The following SCMH1 variants were observed in gnomAD, a reference collection of about 807,000 sequenced individuals.
SCMH1 encodes the protein polycomb protein SCMH1.
Under a neutral mutation model 70.8 loss-of-function variants are expected in SCMH1, and 37 were observed. The ratio of observed to expected loss-of-function variants is 0.52; its 90% CI spans 0.40 to 0.69. The LOEUF (loss-of-function observed/expected upper bound fraction) is 0.69, where lower values mean the gene tolerates loss of function less well. SCMH1 is among the 30% of genes least tolerant of loss of function. The pLI, the probability that SCMH1 is intolerant of heterozygous loss-of-function variation, is 0.00. For missense variants in SCMH1, 607 were observed against 827.3 expected, an observed-to-expected ratio of 0.73 and a Z score of 3.27; for synonymous variants, 292 against 307.4, an observed-to-expected ratio of 0.95 and a Z score of 0.52.
At chr1:41,037,219 G>T (rs980952065) in intron 13 of SCMH1, 143 bp downstream of exon 13, 7 of 788,568 alleles carry the variant, frequency 8.9e-6, no homozygotes, top group Non-Finnish European at 1.4e-5. Flanking sequence ...TGCAAGGCCA[G>T]GCACAAGAGT....
At chr1:41,231,533 T>C (rs1661296163) in intron 1 of SCMH1, among the ~76,000 whole-genome samples, 2 of 152,206 alleles carry the variant, frequency 1.3e-5, no homozygotes, top group Admixed American at 6.5e-5. Flanking sequence ...GAACCAATAT[T>C]GATACCTTAT....
chr1:41,242,208 G>C (rs1253875419), upstream of SCMH1: 3 of 145,994 alleles, frequency 2.1e-5, no homozygotes, highest in Admixed American at 2.0e-4. This position sits in a 1 kb window ranked among gnomAD's most constrained non-coding sequence, Gnocchi z 5.2. Context: ...CCGAGCTGGC[G>C]GTGGCGGCTG....
intron 13 of SCMH1, among the ~76,000 whole-genome samples, chr1:41,035,643 G>GAA (rs542656772): frequency 1.1e-3 from 167 of 152,218 alleles, no homozygotes; most frequent in African/African-American, 3.8e-3. Flanking sequence ...CTATGCCCTT[G>GAA]ATCCCACCAC....
intron 4 of SCMH1, among the ~76,000 whole-genome samples, chr1:41,157,577 G>A (rs936079615): frequency 2.0e-5 from 3 of 152,210 alleles, no homozygotes; most frequent in Non-Finnish European, 1.5e-5. Context: ...AATCAGAGGT[G>A]TTTTCGAAGG....
chr1:41,226,343 T>C (rs745669482), intron 1 of SCMH1, among the ~76,000 whole-genome samples: 3 of 152,088 alleles, frequency 2.0e-5, no homozygotes, highest in Non-Finnish European at 4.4e-5. Flanking sequence ...ATTTGTAACT[T>C]AGAAAAATAA....
rs374249413 is a variant in SCMH1, at chr1:41,060,569, A to T, written c.1105+10026T>A. Among the ~76,000 whole-genome samples, 50 of 152,326 alleles carry T rather than the reference A, an allele frequency of 3.3e-4. No individual in the cohort carries two copies. The South Asian group carries it at 0.01, about 31-fold the overall frequency. ...AGATGGAAAATGATATAGATCAGAAACTTCGATCTATATAAAGAAAGGAAG... is the reference window on the plus strand; with the variant it reads ...AGATGGAAAATGATATAGATCAGAATCTTCGATCTATATAAAGAAAGGAAG... On this transcript the variant is annotated intron_variant, in intron 10 of 14. Transcript: ENST00000337495.
At chr1:41,143,287 T>G (rs142882044) in intron 5 of SCMH1, among the ~76,000 whole-genome samples, 175 bp from the exon 6 acceptor site, 1 of 151,952 alleles carries the variant, frequency 6.6e-6, no homozygotes, top group African/African-American at 2.4e-5. Flanking sequence ...GGGGAAAAAA[T>G]TACTTTCCAA....
chr1:41,094,619 A>G (rs2013925), intron 8 of SCMH1, among the ~76,000 whole-genome samples: 129,416 of 152,098 alleles, frequency 0.85, 55,562 homozygotes, highest in East Asian at 0.97. Flanking sequence ...GCCAGGCATC[A>G]TGGCTCACGC....
rs575922261 is a variant in SCMH1 at position 41,119,347 on chromosome 1, C to T, written c.413-2337G>A. On this transcript the variant is annotated intron_variant, in intron 6 of 14. Coordinates refer to ENST00000337495, the Ensembl canonical transcript of SCMH1. ...AAGAGATTTCTTGGGACAGCCCATC[C>T]ATATCAACAGCAATGTGGACTTTCC... Among the ~76,000 whole-genome samples the T allele has an allele frequency of 3.9e-5, 6 of 152,040 alleles. No homozygotes were observed. In the East Asian group the frequency reaches 1.2e-3, roughly 30 times the overall value.
chr1:41,236,318 G>A, intron 1 of SCMH1, among the ~76,000 whole-genome samples: 1 of 152,142 alleles, frequency 6.6e-6, no homozygotes, highest in East Asian at 1.9e-4. Context: ...AGAATGTGCT[G>A]CATCCATTTA....
At chr1:41,200,553 A>T (rs1654121135) in intron 1 of SCMH1, among the ~76,000 whole-genome samples, 1 of 150,030 alleles carries the variant, frequency 6.7e-6, no homozygotes, top group Non-Finnish European at 1.5e-5. Flanking sequence ...TGTGAGGAAA[A>T]CAGAGTTAGG....
chr1:41,167,324 GTCT>G (rs1266123041), intron 2 of SCMH1, among the ~76,000 whole-genome samples: 12 of 152,202 alleles, frequency 7.9e-5, no homozygotes, highest in Admixed American at 3.3e-4. Flanking sequence ...GGGAGATGTA[GTCT>G]TCTTCTCTTG....
At chr1:41,184,130 T>A (rs572186011) in intron 2 of SCMH1, among the ~76,000 whole-genome samples, 10 of 152,312 alleles carry the variant, frequency 6.6e-5, no homozygotes, top group African/African-American at 1.7e-4. Context: ...TAATTAATTT[T>A]AAAAAATAAA....
At chr1:41,138,433 A>G (rs1643706264) in intron 6 of SCMH1, among the ~76,000 whole-genome samples, 1 of 152,160 alleles carries the variant, frequency 6.6e-6, no homozygotes, top group African/African-American at 2.4e-5. Context: ...GTACATATAC[A>G]TATTGGATTT....
intron 8 of SCMH1, among the ~76,000 whole-genome samples, chr1:41,081,044 A>G (rs1659861725): frequency 1.3e-5 from 2 of 152,204 alleles, no homozygotes; most frequent in South Asian, 4.1e-4. Context: ...AAATAAAAAA[A>G]TGAATTTGGA....
rs572941742 is a variant in SCMH1, at chr1:41,187,715, C to T, written c.-117-1465G>A. Among the ~76,000 whole-genome samples, 16 of 150,960 alleles carry T rather than the reference C, an allele frequency of 1.1e-4. No individual in the cohort carries two copies. In the South Asian group the frequency reaches 3.4e-3, roughly 32 times the overall value. ...TTAGGAGGCTGAAGTAGGGGGGAAT[C>T]GCCTGAACTCAAGAGTTCGAGACCA... On this transcript the variant is annotated intron_variant, in intron 1 of 14. Transcript: ENST00000337495.
chr1:41,049,323 T>TGTGG (rs1647202351), intron 10 of SCMH1, among the ~76,000 whole-genome samples: 1 of 151,720 alleles, frequency 6.6e-6, no homozygotes, highest in African/African-American at 2.4e-5. Flanking sequence ...TGTGTGTGTG[T>TGTGG]GTGTGTGTAT....
intron 10 of SCMH1, among the ~76,000 whole-genome samples, chr1:41,066,614 C>T (rs1312250020): frequency 2.0e-5 from 3 of 152,162 alleles, no homozygotes; most frequent in South Asian, 2.1e-4. Context: ...AGCTCTGTCA[C>T]GCAGACTGGA....
chr1:41,225,336 C>A (rs75984510), intron 1 of SCMH1, among the ~76,000 whole-genome samples: 3,484 of 152,252 alleles, frequency 0.023, 57 homozygotes, highest in Non-Finnish European at 0.032. Flanking sequence ...AGCAAGGAGG[C>A]AGTCATATAG....
Sources: gnomAD v4.1 joint callset for allele counts (sites outside exome capture counted in the v4.1 genomes callset) on GRCh38, gnomAD v4.1.1 for gene constraint, Gnocchi (gnomAD v3.1) non-coding constraint, MANE v1.5 for transcripts, NCBI Gene and HGNC (gene_info 2026-07-23, HGNC 2026-07-21) for gene names.